The following NBEA variants were observed in gnomAD, a reference collection of about 807,000 sequenced individuals.
NBEA encodes the protein lysosomal-trafficking regulator 2.
A neutral mutation model predicts 343.4 loss-of-function variants in NBEA; 44 were observed. That is an observed-to-expected ratio of 0.13 (90% CI 0.10 to 0.16). The LOEUF is 0.16. NBEA is among the 10% of genes least tolerant of loss of function. NBEA has a pLI of 1.00. For missense variants in NBEA, 2,555 were observed against 3,631.3 expected (o/e 0.70, Z 7.62); for synonymous variants, 1,175 against 1,238.7 (o/e 0.95, Z 1.08).
At chr13:35,440,336 T>A (rs2045670797) in intron 39 of NBEA, among the ~76,000 whole-genome samples, 1 of 152,222 alleles carries the variant, frequency 6.6e-6, no homozygotes, top group Non-Finnish European at 1.5e-5. Flanking sequence ...TTTAGATCAT[T>A]GTTCAGAATC....
chr13:35,647,714 G>A (rs1021185312), intron 51 of NBEA, among the ~76,000 whole-genome samples: 1 of 151,964 alleles, frequency 6.6e-6, no homozygotes, highest in South Asian at 2.1e-4. Context: ...TTACAGGTGT[G>A]CGCCACCACC....
At chr13:35,050,900 G>A (rs1195680820) in intron 6 of NBEA, among the ~76,000 whole-genome samples, 1 of 151,916 alleles carries the variant, frequency 6.6e-6, no homozygotes, top group African/African-American at 2.4e-5. Flanking sequence ...TGTACTGTTA[G>A]TTTTGGCTCA....
intron 38 of NBEA, 122 bp from the exon 39 acceptor site, chr13:35,432,147 A>G: frequency 1.6e-6 from 1 of 634,652 alleles, no homozygotes; most frequent in Non-Finnish European, 2.5e-6. Context: ...AAATATAAGT[A>G]TCTCCAAAAT....
intron 28 of NBEA, among the ~76,000 whole-genome samples, chr13:35,181,727 C>T (rs2071334987): frequency 6.6e-6 from 1 of 151,770 alleles, no homozygotes; most frequent in Middle Eastern, 3.2e-3. Context: ...GTCATGAAAT[C>T]TTTGCCTAAG....
At chr13:35,531,518 G>GA (rs1027452274) in intron 41 of NBEA, among the ~76,000 whole-genome samples, 40 of 151,828 alleles carry the variant, frequency 2.6e-4, no homozygotes, top group Non-Finnish European at 3.8e-4. Flanking sequence ...TAGTGTTGCT[G>GA]AAAAAAAATC....
intron 48 of NBEA, among the ~76,000 whole-genome samples, chr13:35,627,736 G>T (rs1467660314): frequency 6.6e-6 from 1 of 152,014 alleles, no homozygotes; most frequent in South Asian, 2.1e-4. Flanking sequence ...ATTAAAAAAG[G>T]TAATTTAAAT....
At chr13:35,203,625 C>T (rs58937221) in intron 31 of NBEA, among the ~76,000 whole-genome samples, 4,222 of 152,156 alleles carry the variant, frequency 0.028, 147 homozygotes, top group African/African-American at 0.079. Context: ...TTGCAATGCT[C>T]AATAAATATT....
chr13:35,247,397 AC>A lies in NBEA; in HGVS notation c.5776+14782del, dbSNP rs1223243647. On this transcript the variant is annotated intron_variant, in intron 34 of 58. Coordinates refer to ENST00000379939, the MANE Select transcript of NBEA (RefSeq NM_001385012.1). Reference sequence around the variant, plus strand: ...GTTCCTCTGGCAGCCCTCCCCAAAGACCCCAGTGAGACACATTAGGAATGGC... The same window carrying A: ...GTTCCTCTGGCAGCCCTCCCCAAAGACCCAGTGAGACACATTAGGAATGGC... 9.9e-5 allele frequency among the ~76,000 whole-genome samples: 15 copies of A among 151,808 alleles called. No individual in the cohort carries two copies. In the East Asian group the frequency reaches 2.9e-3, roughly 30 times the overall value.
Position 35,574,177 on chromosome 13 carries a change from ATGGATTTTCT to A in NBEA, c.7035+7163_7035+7172del, listed in dbSNP as rs532116133. On this transcript the variant is annotated intron_variant, in intron 45 of 58. Coordinates refer to ENST00000379939, the MANE Select transcript of NBEA (RefSeq NM_001385012.1). ...CCAGGCATTGTGCTAAGCATCTTAC[ATGGATTTTCT>A]TGCTTTACCCTCACAACGCTATGAT... Among the ~76,000 whole-genome samples, 19 of 152,060 alleles carry A rather than the reference ATGGATTTTCT, an allele frequency of 1.2e-4. No homozygotes were observed. The South Asian group carries it at 4.0e-3, about 32-fold the overall frequency.
chr13:35,030,971 A>G (rs2062192014), intron 1 of NBEA, among the ~76,000 whole-genome samples: 1 of 151,638 alleles, frequency 6.6e-6, no homozygotes, highest in African/African-American at 2.4e-5. Context: ...CACCCCTGCA[A>G]TGAGCCCATC....
chr13:35,242,003 C>T (rs537472966), intron 34 of NBEA, among the ~76,000 whole-genome samples: 4 of 151,920 alleles, frequency 2.6e-5, no homozygotes, highest in African/African-American at 9.6e-5. Flanking sequence ...AAAAATAGTA[C>T]AACGCACTCA....
intron 55 of NBEA, among the ~76,000 whole-genome samples, chr13:35,658,007 A>G (rs2084900382): frequency 6.6e-6 from 1 of 152,168 alleles, no homozygotes; most frequent in African/African-American, 2.4e-5. Flanking sequence ...AAACCAAAAG[A>G]TGGCTAACTA....
At chr13:35,666,857 G>A (rs552954887) in intron 56 of NBEA, among the ~76,000 whole-genome samples, 1 of 152,100 alleles carries the variant, frequency 6.6e-6, no homozygotes, top group African/African-American at 2.4e-5. Context: ...CTTTCTGTAG[G>A]CTGAAATACT....
intron 11 of NBEA, among the ~76,000 whole-genome samples, chr13:35,098,805 T>C (rs1422030307): frequency 6.6e-6 from 1 of 152,108 alleles, no homozygotes; most frequent in Non-Finnish European, 1.5e-5. Flanking sequence ...AGGAGAGTGA[T>C]GAAATCTCAT....
Position 35,199,323 on chromosome 13 carries a change from G to A in NBEA, c.5366+3021G>A, listed in dbSNP as rs535947609. Reference sequence around the variant, plus strand: ...TGTCTTTTAACATCAGATTGAATTCGTTGAAAATGAGATCCAGGATGACAG... The same window carrying A: ...TGTCTTTTAACATCAGATTGAATTCATTGAAAATGAGATCCAGGATGACAG... On this transcript the variant is annotated intron_variant, in intron 31 of 58. Coordinates refer to ENST00000379939, the MANE Select transcript of NBEA (RefSeq NM_001385012.1). Among the ~76,000 whole-genome samples, 8 of 152,210 alleles carry A rather than the reference G, an allele frequency of 5.3e-5. No homozygotes were observed. The South Asian group carries it at 1.5e-3, about 28-fold the overall frequency.
chr13:35,267,017 T>C (rs1350273738), intron 34 of NBEA, among the ~76,000 whole-genome samples: 1 of 151,978 alleles, frequency 6.6e-6, no homozygotes, highest in Non-Finnish European at 1.5e-5. Flanking sequence ...AAGAAGATTA[T>C]AAGGAAGAGA....
intron 8 of NBEA, among the ~76,000 whole-genome samples, chr13:35,061,013 G>T (rs1248467625): frequency 2.6e-5 from 4 of 151,508 alleles, no homozygotes; most frequent in Non-Finnish European, 5.9e-5. Flanking sequence ...TCATTGTAAT[G>T]GTCAGACAAT....
intron 18 of NBEA, among the ~76,000 whole-genome samples, chr13:35,150,127 C>T (rs1304897498): frequency 6.6e-6 from 1 of 152,194 alleles, no homozygotes; most frequent in African/African-American, 2.4e-5. Context: ...AACCAACTTA[C>T]AGACCTCTGA....
At chr13:35,198,846 A>G (rs1402765966) in intron 31 of NBEA, among the ~76,000 whole-genome samples, 1 of 152,118 alleles carries the variant, frequency 6.6e-6, no homozygotes, top group Non-Finnish European at 1.5e-5. Context: ...TGTCGTCTTC[A>G]CTACTCAAAG....
Sources: gnomAD v4.1 joint callset for allele counts (sites outside exome capture counted in the v4.1 genomes callset) on GRCh38, gnomAD v4.1.1 for gene constraint, MANE v1.5 for transcripts, NCBI Gene and HGNC (gene_info 2026-07-23, HGNC 2026-07-21) for gene names.